ZFAND6: variants seen among roughly 807,000 people sequenced by gnomAD.
ZFAND6 encodes the protein AN1-type zinc finger protein 6.
A neutral mutation model predicts 24.5 loss-of-function variants in ZFAND6; 12 were observed. That is an observed-to-expected ratio of 0.49 (90% CI 0.31 to 0.79). ZFAND6 has a LOEUF of 0.79. ZFAND6 is among the 30% of genes least tolerant of loss of function. The pLI is 0.04. For synonymous variants in ZFAND6, 92 were observed against 81.5 expected (o/e 1.13, Z -0.69); for missense variants, 207 against 245.9 (o/e 0.84, Z 1.06).
intron 1 of ZFAND6, among the ~76,000 whole-genome samples, chr15:80,061,752 C>T (rs1416856813): frequency 6.6e-6 from 1 of 152,130 alleles, no homozygotes; most frequent in Non-Finnish European, 1.5e-5. Flanking sequence ...GCTCTGTGAA[C>T]ATTTCTTGTT....
chr15:80,102,153 TC>T (rs201669075), intron 2 of ZFAND6, among the ~76,000 whole-genome samples: 6,988 of 152,062 alleles, frequency 0.046, 358 homozygotes, highest in Admixed American at 0.17. Flanking sequence ...TTTTTATTTT[TC>T]ATTTTTATTT....
chr15:80,135,889 C>T (rs559859300), intron 6 of ZFAND6, among the ~76,000 whole-genome samples: 1 of 152,354 alleles, frequency 6.6e-6, no homozygotes, highest in Non-Finnish European at 1.5e-5. Context: ...ACTGGGAGGC[C>T]AAGGTGGGAG....
chr15:80,065,078 C>T (rs115867828), intron 1 of ZFAND6, among the ~76,000 whole-genome samples: 1 of 127,810 alleles, frequency 7.8e-6, no homozygotes, highest in East Asian at 2.6e-4. Flanking sequence ...TAGGTTAATA[C>T]TTTCTTTTAT....
chr15:80,069,606 TA>T (rs1438386790), intron 1 of ZFAND6, among the ~76,000 whole-genome samples: 36 of 151,838 alleles, frequency 2.4e-4, no homozygotes, highest in African/African-American at 5.8e-4. Flanking sequence ...GCCAGGGAAA[TA>T]TTTTTTTTAT....
In ZFAND6 at chr15:80,107,389, G is replaced by A. The variant is rs189145680; in HGVS notation, c.-18+8811G>A. Reference sequence around the variant, plus strand: ...ATGTGACATCTCCTTGTCATATAACGACAACTGTACTATTATAGTATGGTT... The same window carrying A: ...ATGTGACATCTCCTTGTCATATAACAACAACTGTACTATTATAGTATGGTT... On this transcript the variant is annotated intron_variant, in intron 2 of 6. Transcript: ENST00000261749. Among the ~76,000 whole-genome samples, 10 of 152,102 alleles carry A rather than the reference G, an allele frequency of 6.6e-5. No individual in the cohort carries two copies. In the East Asian group the frequency reaches 1.7e-3, roughly 26 times the overall value.
At chr15:80,125,068 T>C (rs1209911309) in intron 5 of ZFAND6, among the ~76,000 whole-genome samples, 1 of 152,162 alleles carries the variant, frequency 6.6e-6, no homozygotes, top group East Asian at 1.9e-4. Flanking sequence ...TTTTTCCATT[T>C]ATTTAATAGA....
At chr15:80,121,187 A>G (rs1348863260) in intron 3 of ZFAND6, among the ~76,000 whole-genome samples, 1 of 152,168 alleles carries the variant, frequency 6.6e-6, no homozygotes, top group Admixed American at 6.5e-5. Flanking sequence ...TACTTAGTTC[A>G]TTTAATATTG....
chr15:80,070,596 G>A (rs540883368), intron 1 of ZFAND6, among the ~76,000 whole-genome samples: 7 of 152,178 alleles, frequency 4.6e-5, no homozygotes, highest in South Asian at 2.1e-4. Flanking sequence ...AAAATGATCC[G>A]GAATCACTGA....
chr15:80,099,990 A>G (rs1354146140), intron 2 of ZFAND6, among the ~76,000 whole-genome samples: 1 of 152,212 alleles, frequency 6.6e-6, no homozygotes, highest in African/African-American at 2.4e-5. Context: ...TGCTGCATTC[A>G]AAACTAGTGA....
chr15:80,067,235 T>C (rs1308565906), intron 1 of ZFAND6, among the ~76,000 whole-genome samples: 2 of 152,242 alleles, frequency 1.3e-5, no homozygotes, highest in South Asian at 2.1e-4. Context: ...CCTGCCTTCC[T>C]ATGGAGTTTT....
At chr15:80,137,406 G>A in intron 6 of ZFAND6, 74 bp from the exon 7 acceptor site, 4 of 1,507,310 alleles carry the variant, frequency 2.7e-6, no homozygotes, top group Non-Finnish European at 3.6e-6. Flanking sequence ...ATATTGTGCT[G>A]TTCAGTATTA....
intron 1 of ZFAND6, among the ~76,000 whole-genome samples, chr15:80,068,803 G>A (rs2141806786): frequency 6.6e-6 from 1 of 152,348 alleles, no homozygotes; most frequent in East Asian, 1.9e-4. Flanking sequence ...AAAACCACAT[G>A]TGGCTCTCAT....
intron 1 of ZFAND6, among the ~76,000 whole-genome samples, chr15:80,092,585 G>A (rs190132735): frequency 1.4e-4 from 22 of 152,202 alleles, no homozygotes; most frequent in Non-Finnish European, 8.8e-5. Context: ...AAGAGAGAGG[G>A]GGGAAAGTTC....
At chr15:80,101,631 A>G (rs897624937) in intron 2 of ZFAND6, among the ~76,000 whole-genome samples, 1 of 152,138 alleles carries the variant, frequency 6.6e-6, no homozygotes, top group Non-Finnish European at 1.5e-5. Flanking sequence ...TGCATTAAAC[A>G]TGACATTTAT....
chr15:80,115,651 G>GCC (rs2039840517), intron 2 of ZFAND6, among the ~76,000 whole-genome samples: 1 of 151,028 alleles, frequency 6.6e-6, no homozygotes, highest in African/African-American at 2.4e-5. Flanking sequence ...TCATGTAAAG[G>GCC]TACATTTTAT....
intron 6 of ZFAND6, among the ~76,000 whole-genome samples, chr15:80,134,993 A>C (rs2040790915): frequency 6.6e-6 from 1 of 152,226 alleles, no homozygotes; most frequent in Admixed American, 6.5e-5. Flanking sequence ...CAGAAAAGTC[A>C]GAAATTACAT....
chr15:80,137,780 C>CTGAACATTTATTTCA lies in ZFAND6; in HGVS notation c.*166_*167insATGAACATTTATTTC, dbSNP rs1279504147. On this transcript the variant is annotated 3_prime_UTR_variant, in exon 7 of 7. Coordinates refer to ENST00000261749, the MANE Select transcript of ZFAND6 (RefSeq NM_019006.4). ...TTTTGGTTTTGTTTTGAAAATGACT[C>CTGAACATTTATTTCA]TGAACATTTATTTCCATTGCAATTT... The CTGAACATTTATTTCA allele has an allele frequency of 1.9e-5, 14 of 747,728 alleles. No homozygotes were observed. Among genetic ancestry groups the CTGAACATTTATTTCA allele is most frequent in the Non-Finnish European group, 2.7e-5 (14 of 512,704 alleles). The allele number at this position is 747,728 out of a possible 1,614,324, so 46.3% of individuals were successfully genotyped here.
At chr15:80,085,716 G>A (rs1360529887) in intron 1 of ZFAND6, among the ~76,000 whole-genome samples, 1 of 151,966 alleles carries the variant, frequency 6.6e-6, no homozygotes, top group African/African-American at 2.4e-5. Flanking sequence ...TGTACATACT[G>A]TTTTTAAAAT....
At chr15:80,126,009 G>C (rs746112500) in intron 5 of ZFAND6, among the ~76,000 whole-genome samples, 7 of 152,174 alleles carry the variant, frequency 4.6e-5, no homozygotes, top group Non-Finnish European at 4.4e-5. Context: ...TAGAGTAAGA[G>C]AGAATTTTGA....
Sources: allele counts gnomAD v4.1 joint callset (sites outside exome capture counted in the v4.1 genomes callset), GRCh38; gene constraint gnomAD v4.1.1; transcripts MANE v1.5; gene names NCBI Gene and HGNC (gene_info 2026-07-23, HGNC 2026-07-21).